Variants in GALNT16 observed in about 807,000 individuals in gnomAD.
GALNT16 encodes polypeptide N-acetylgalactosaminyltransferase 16, also known as UDP-GalNAc:polypeptide N-acetylgalactosaminyltransferase-like protein 1.
In GALNT16, 40 loss-of-function variants were observed where a neutral mutation model predicts 76.1. That is an observed-to-expected ratio of 0.53 (90% CI 0.41 to 0.68). The LOEUF (loss-of-function observed/expected upper bound fraction) is 0.68, where lower values mean the gene tolerates loss of function less well. GALNT16 is among the 30% of genes least tolerant of loss of function. The pLI is 0.00. For synonymous variants in GALNT16, 276 were observed against 285.2 expected, an observed-to-expected ratio of 0.97 and a Z score of 0.32; for missense variants, 621 against 731.9, an observed-to-expected ratio of 0.85 and a Z score of 1.75.
Position 69,260,806 on chromosome 14 carries a change from T to TGCCCCGGAAGGCTGCCGGGCCCAGCGC in GALNT16, c.177+342_177+368dup, listed in dbSNP as rs1432092302. ...GTCTGGGGGCTGCGGGAGCCTCGTGTGCCCCGGAAGGCTGCCGGGCCCAGC... is the reference window on the plus strand; with the variant it reads ...GTCTGGGGGCTGCGGGAGCCTCGTGTGCCCCGGAAGGCTGCCGGGCCCAGCGCGCCCCGGAAGGCTGCCGGGCCCAGC... On this transcript the variant is annotated intron_variant, in intron 1 of 14. Transcript: ENST00000448469. Among the ~76,000 whole-genome samples, 7 of 151,702 alleles carry TGCCCCGGAAGGCTGCCGGGCCCAGCGC rather than the reference T, an allele frequency of 4.6e-5. No homozygotes were observed. In the East Asian group the frequency reaches 1.4e-3, roughly 30 times the overall value.
chr14:69,372,650 C>A, the GALNT16 span, among the ~76,000 whole-genome samples: 5 of 152,048 alleles, frequency 3.3e-5, no homozygotes, highest in Non-Finnish European at 7.4e-5. Context: ...CGCATGCCAC[C>A]ATGCCTGGGA....
At chr14:69,378,310 A>C in the GALNT16 span, among the ~76,000 whole-genome samples, 1 of 152,246 alleles carries the variant, frequency 6.6e-6, no homozygotes, top group Non-Finnish European at 1.5e-5. Flanking sequence ...AATTTAGATT[A>C]TAAATCTGGA....
intron 1 of GALNT16, among the ~76,000 whole-genome samples, chr14:69,304,669 T>C (rs2044905767): frequency 6.6e-6 from 1 of 152,238 alleles, no homozygotes; most frequent in South Asian, 2.1e-4. Context: ...TTGATGTCTA[T>C]GAATTTGACA....
chr14:69,264,020 T>C (rs2044309065), intron 1 of GALNT16, among the ~76,000 whole-genome samples: 1 of 152,234 alleles, frequency 6.6e-6, no homozygotes, highest in Non-Finnish European at 1.5e-5. Flanking sequence ...GTCCTCACAG[T>C]TGGCGAGAAC....
At chr14:69,359,559 C>T (rs143923956), downstream of GALNT16, among the ~76,000 whole-genome samples, 1 of 152,224 alleles carries the variant, frequency 6.6e-6, no homozygotes, top group Non-Finnish European at 1.5e-5. Flanking sequence ...GTAAGGCTAC[C>T]ATATGCACTC....
At chr14:69,338,839 C>G (rs751112319) in intron 10 of GALNT16, 62 bp downstream of exon 10, 2 of 1,396,258 alleles carry the variant, frequency 1.4e-6, no homozygotes, top group Non-Finnish European at 2.0e-6. Context: ...AGCCCCCAGC[C>G]TTGCCAGTTA....
At chr14:69,315,016 A>T (rs2045080838) in intron 1 of GALNT16, among the ~76,000 whole-genome samples, 1 of 152,216 alleles carries the variant, frequency 6.6e-6, no homozygotes, top group Admixed American at 6.5e-5. Flanking sequence ...TGTATGTTTT[A>T]AAAGAAAGTT....
At chr14:69,286,821 C>G (rs1024343892) in intron 1 of GALNT16, among the ~76,000 whole-genome samples, 3 of 152,086 alleles carry the variant, frequency 2.0e-5, no homozygotes, top group Non-Finnish European at 4.4e-5. Context: ...GATGGGTGTT[C>G]ACTATACAAC....
At chr14:69,315,996 T>A (rs2045094278) in intron 1 of GALNT16, among the ~76,000 whole-genome samples, 2 of 152,194 alleles carry the variant, frequency 1.3e-5, no homozygotes, top group African/African-American at 4.8e-5. Context: ...CAGGGAAGAT[T>A]CTGATTGGCC....
At chr14:69,341,534 T>C (rs957862530) in intron 11 of GALNT16, 147 bp from the exon 12 acceptor site, 17 of 620,014 alleles carry the variant, frequency 2.7e-5, no homozygotes, top group East Asian at 1.9e-4. Context: ...ATCAGATAAG[T>C]GGCCAGGGCT....
At chr14:69,341,238 C>T (rs566226067) in intron 11 of GALNT16, among the ~76,000 whole-genome samples, 88 of 152,242 alleles carry the variant, frequency 5.8e-4, no homozygotes, top group South Asian at 5.4e-3. Context: ...GTGAGGATGG[C>T]GGTGTCCCAA....
rs2045664892 is a variant in GALNT16, at chr14:69,353,601, A to G, written c.*1433A>G. 6.6e-6 allele frequency: 1 copy of G among 152,206 alleles called. No individual in the cohort carries two copies. The allele number at this position is 152,206 out of a possible 1,614,324, so 9.4% of individuals were successfully genotyped here. On this transcript the variant is annotated 3_prime_UTR_variant, in exon 15 of 15. Transcript: ENST00000448469. The stretch of plus-strand genomic sequence containing the variant: ...CTGGGGCAGATATACCTACCACAGG[A>G]GCCCCCTGTCTTTCATAGGCCAAGG...
At chr14:69,259,788 C>G (rs1298882058), upstream of GALNT16, 1 of 154,764 alleles carries the variant, frequency 6.5e-6, no homozygotes. Flanking sequence ...CAAGGCCGCT[C>G]GGTCCGGGGG....
chr14:69,292,842 C>G (rs1038309273), intron 1 of GALNT16, among the ~76,000 whole-genome samples: 8 of 152,222 alleles, frequency 5.3e-5, no homozygotes, highest in Admixed American at 5.2e-4. Flanking sequence ...ATTGGGCAGC[C>G]TTTTTCTAGT....
chr14:69,366,254 T>G, the GALNT16 span, among the ~76,000 whole-genome samples: 2 of 152,162 alleles, frequency 1.3e-5, no homozygotes, highest in Non-Finnish European at 2.9e-5. Context: ...TAAGCTCCAG[T>G]CCCTTGGCTA....
chr14:69,294,350 G>A lies in GALNT16; in HGVS notation c.178-26361G>A, dbSNP rs538318475. The stretch of plus-strand genomic sequence containing the variant: ...TTGGTCAGGCTGGTCTTGAACTCCT[G>A]ACCTCAAATGATCCATCTGCTTTGG... On this transcript the variant is annotated intron_variant, in intron 1 of 14. Coordinates refer to ENST00000448469, the MANE Select transcript of GALNT16 (RefSeq NM_001168368.2). 4.6e-5 allele frequency among the ~76,000 whole-genome samples: 7 copies of A among 152,272 alleles called. No individual in the cohort carries two copies. The East Asian group carries it at 1.3e-3, about 29-fold the overall frequency.
chr14:69,338,917 A>T (rs1266666240), intron 10 of GALNT16, 140 bp downstream of exon 10: 1 of 662,298 alleles, frequency 1.5e-6, no homozygotes, highest in Non-Finnish European at 2.5e-6. Context: ...CCCCTCTGGT[A>T]ACATCCTGGG....
chr14:69,333,686 A>T lies in GALNT16; in HGVS notation c.967+86A>T. ...GACAGAGCACTTTCTATGCGTGAGGACCTGCTCTAAGGACTTTACACACAT... is the reference window on the plus strand; with the variant it reads ...GACAGAGCACTTTCTATGCGTGAGGTCCTGCTCTAAGGACTTTACACACAT... On this transcript the variant is annotated intron_variant, in intron 9 of 14. Transcript: ENST00000448469. The surrounding 1 kb of genome is among the most constrained non-coding windows in gnomAD (Gnocchi z 4.2). The T allele has an allele frequency of 1.3e-6, 1 of 753,842 alleles. No homozygotes were observed. Among genetic ancestry groups the T allele is most frequent in the Non-Finnish European group, 2.3e-6 (1 of 427,046 alleles). The allele number at this position is 753,842 out of a possible 1,614,324, so 46.7% of individuals were successfully genotyped here.
intron 1 of GALNT16, among the ~76,000 whole-genome samples, chr14:69,294,607 C>T (rs2140132093): frequency 6.6e-6 from 1 of 152,274 alleles, no homozygotes; most frequent in Non-Finnish European, 1.5e-5. Flanking sequence ...GTCACTTCCC[C>T]TTCCCACCCC....
Sources: gnomAD v4.1 joint callset for allele counts (sites outside exome capture counted in the v4.1 genomes callset) on GRCh38, gnomAD v4.1.1 for gene constraint, Gnocchi (gnomAD v3.1) non-coding constraint, MANE v1.5 for transcripts, NCBI Gene and HGNC (gene_info 2026-07-23, HGNC 2026-07-21) for gene names.